PI4KA: variants seen among roughly 807,000 people sequenced by gnomAD.
PI4KA encodes phosphatidylinositol 4-kinase alpha.
A neutral mutation model predicts 271.4 loss-of-function variants in PI4KA; 122 were observed. The ratio of observed to expected loss-of-function variants is 0.45; its 90% confidence interval spans 0.39 to 0.52. PI4KA has a LOEUF of 0.52. PI4KA is among the 20% of genes least tolerant of loss of function. The pLI is 0.00. For synonymous variants in PI4KA, 1,041 were observed against 1,078.8 expected, an observed-to-expected ratio of 0.96 and a Z score of 0.69; for missense variants, 1,969 against 2,769.1, an observed-to-expected ratio of 0.71 and a Z score of 6.48.
At chr22:20,785,386 T>C (rs1374585663) in intron 19 of PI4KA, among the ~76,000 whole-genome samples, 2 of 152,316 alleles carry the variant, frequency 1.3e-5, no homozygotes, top group East Asian at 3.9e-4. Flanking sequence ...GACTTTTAAT[T>C]GAGATCTTAC....
chr22:20,763,948 A>G (rs1438242153), intron 22 of PI4KA, among the ~76,000 whole-genome samples: 1 of 152,192 alleles, frequency 6.6e-6, no homozygotes, highest in Non-Finnish European at 1.5e-5. Context: ...TGAGCTTTCA[A>G]GGACTATTTT....
chr22:20,807,538 C>A (rs1935734626), intron 9 of PI4KA, 80 bp from the exon 10 acceptor site: 4 of 763,394 alleles, frequency 5.2e-6, no homozygotes, highest in Non-Finnish European at 9.2e-6. Context: ...CAAGGCCCAG[C>A]GGAATGGTGA....
chr22:20,818,386 C>G (rs747914979), intron 7 of PI4KA, 97 bp downstream of exon 7: 8 of 834,916 alleles, frequency 9.6e-6, no homozygotes, highest in East Asian at 3.1e-5. Context: ...TCCATGACAA[C>G]AGAGTTAGTA....
chr22:20,849,408 G>A (rs987651359), intron 1 of PI4KA, among the ~76,000 whole-genome samples: 15 of 152,142 alleles, frequency 9.9e-5, no homozygotes, highest in Admixed American at 9.2e-4. Flanking sequence ...CCATAGCAGC[G>A]TTATTTATAA....
In PI4KA at chr22:20,721,659, T is replaced by C. The variant is rs376859119; in HGVS notation, c.4996-241A>G. 959 of 506,106 alleles carry C rather than the reference T, an allele frequency of 1.9e-3. 12 individuals are homozygous for C. The highest frequency in any genetic ancestry group is 6.5e-3 in the Middle Eastern group (12 of 1,848). 31.4% of individuals were successfully genotyped at this position (506,106 alleles called of 1,614,324 possible). On this transcript the variant is annotated intron_variant, in intron 42 of 54. Coordinates refer to ENST00000255882, the MANE Select transcript of PI4KA (RefSeq NM_058004.4). ...TGCAAAGCGGGCGACAGTCAGCCTT[T>C]GTCTCCTCTGTGTCTTCCCATGGGT...
chr22:20,819,194 T>A (rs1206516531), intron 6 of PI4KA, among the ~76,000 whole-genome samples: 1 of 152,108 alleles, frequency 6.6e-6, no homozygotes, highest in African/African-American at 2.4e-5. Flanking sequence ...TTAAATGAAT[T>A]TTTTTTGTGT....
intron 19 of PI4KA, among the ~76,000 whole-genome samples, chr22:20,771,788 G>C (rs1352481545): frequency 6.6e-6 from 1 of 151,960 alleles, no homozygotes; most frequent in Non-Finnish European, 1.5e-5. Context: ...TACCATGTTG[G>C]TCAGGCTGGT....
At chr22:20,786,023 C>A in intron 19 of PI4KA, 2 of 1,614,148 alleles carry the variant, frequency 1.2e-6, no homozygotes, top group Non-Finnish European at 1.7e-6. Context: ...AGTGCTTCTG[C>A]CGAAATTCAA....
intron 22 of PI4KA, among the ~76,000 whole-genome samples, chr22:20,763,076 G>A (rs1346094522): frequency 1.4e-5 from 2 of 148,140 alleles, no homozygotes; most frequent in African/African-American, 5.1e-5. Context: ...AAAACTTCCG[G>A]GCTCAAGTGA....
intron 8 of PI4KA, among the ~76,000 whole-genome samples, chr22:20,811,629 C>T (rs960966988): frequency 7.0e-6 from 1 of 143,664 alleles, no homozygotes; most frequent in African/African-American, 2.6e-5. Context: ...AAAAACTGCC[C>T]ACATCCACAA....
chr22:20,805,232 G>A (rs1935581894), intron 10 of PI4KA, 67 bp from the exon 11 acceptor site: 2 of 1,117,318 alleles, frequency 1.8e-6, no homozygotes, highest in African/African-American at 1.5e-5. Context: ...AGTGCTAGCA[G>A]CGGCTACAGT....
chr22:20,821,253 T>C (rs181583448), intron 4 of PI4KA, among the ~76,000 whole-genome samples: 37 of 152,318 alleles, frequency 2.4e-4, no homozygotes, highest in African/African-American at 8.4e-4. Context: ...AGTTTCGCTC[T>C]TGTTGCCCAG....
intron 4 of PI4KA, among the ~76,000 whole-genome samples, chr22:20,821,542 T>A (rs2147702997): frequency 6.6e-6 from 1 of 151,498 alleles, no homozygotes; most frequent in South Asian, 2.1e-4. Context: ...AGTTAAGAAA[T>A]TTTTTTTTGT....
chr22:20,777,031 C>G (rs886608648), intron 19 of PI4KA, among the ~76,000 whole-genome samples: 3 of 121,276 alleles, frequency 2.5e-5, no homozygotes, highest in Non-Finnish European at 5.2e-5. Context: ...TAACAAAAGG[C>G]AGTTTTTTTT....
chr22:20,737,773 A>G (rs963993287), intron 32 of PI4KA, among the ~76,000 whole-genome samples: 1 of 152,070 alleles, frequency 6.6e-6, no homozygotes, highest in Non-Finnish European at 1.5e-5. Flanking sequence ...CTGGGATTAC[A>G]GGCACATGCC....
chr22:20,751,732 C>T lies in PI4KA; in HGVS notation c.3011G>A (p.Gly1004Glu). The change falls in exon 26 of 55, where the codon GGG (glycine) becomes GAG (glutamate). Residue 1004 changes from glycine to glutamate, a missense_variant. This residue lies in a region of PI4KA where 368 missense variants were observed against 544.3 expected (regional missense o/e 0.68). Coordinates refer to ENST00000255882, the MANE Select transcript of PI4KA (RefSeq NM_058004.4). ...VDKFPHLLWS[G>E]TVLKTMLDIL... ...GTCCAGCATGGTCTTCAGCACAGTC[C>T]CGCTCCAGAGCAAGTGGGGAAACCT... The T allele has an allele frequency of 6.2e-7, 1 of 1,614,080 alleles. No homozygotes were observed. The highest frequency in any genetic ancestry group is 8.5e-7 in the Non-Finnish European group (1 of 1,179,970).
chr22:20,813,447 A>G lies in PI4KA; in HGVS notation c.916T>C (p.Ser306Pro). The G allele has an allele frequency of 6.2e-7, 1 of 1,613,716 alleles. No individual in the cohort carries two copies. The highest frequency in any genetic ancestry group is 1.1e-5 in the South Asian group (1 of 91,070). Reference protein sequence around the residue: ...EPEYYFSTISSSFSVSPLFNG... With the variant: ...EPEYYFSTISPSFSVSPLFNG... ...AAAAGGGGAGAGACTGAGAAGCTGGAGCTGATGGTTGAAAAGTAGTACTCA... is the reference window on the plus strand; with the variant it reads ...AAAAGGGGAGAGACTGAGAAGCTGGGGCTGATGGTTGAAAAGTAGTACTCA... Residue 306 changes from serine (S) to proline (P), a missense_variant, in exon 8 of 55, where the codon TCC becomes CCC. Coordinates refer to ENST00000255882, the MANE Select transcript of PI4KA (RefSeq NM_058004.4).
chr22:20,806,892 G>A (rs1935685078), intron 10 of PI4KA, among the ~76,000 whole-genome samples: 1 of 151,684 alleles, frequency 6.6e-6, no homozygotes, highest in Admixed American at 6.6e-5. Flanking sequence ...CACTGCGCCT[G>A]GCTAATTTCT....
At position 20,765,703 on chromosome 22, in the gene PI4KA, CAAGAA is replaced by C; in HGVS notation, c.2329-15_2329-11del. ...GCAGTCGTCGGGTGAGCTGATGTGC[CAAGAA>C]GAGAGGGAGAAAGGAGGTTATTTGC... On this transcript the variant is annotated splice_polypyrimidine_tract_variant and intron_variant, in intron 19 of 54. Coordinates refer to ENST00000255882, the MANE Select transcript of PI4KA (RefSeq NM_058004.4). 1.3e-6 allele frequency: 2 copies of C among 1,580,968 alleles called. No homozygotes were observed. Among genetic ancestry groups the C allele is most frequent in the Non-Finnish European group, 1.7e-6 (2 of 1,150,402 alleles).
Sources: gnomAD v4.1 joint callset for allele counts (sites outside exome capture counted in the v4.1 genomes callset) on GRCh38, gnomAD v4.1.1 for gene constraint, gnomAD v4.1.1 regional missense constraint, MANE v1.5 for transcripts, NCBI Gene and HGNC (gene_info 2026-07-23, HGNC 2026-07-21) for gene names.